Variants in TKT observed in about 807,000 individuals in gnomAD.
The protein encoded by TKT is transketolase, also known as epididymis luminal protein 107.
Under a neutral mutation model 63.9 loss-of-function variants are expected in TKT, and 47 were observed. That is an observed-to-expected ratio of 0.74 (90% CI 0.58 to 0.94). TKT has a LOEUF of 0.94. Ranked by LOEUF, TKT falls within the 40% of genes least tolerant of loss-of-function variation. The pLI is 0.00. For synonymous variants in TKT, 338 were observed against 334.1 expected, an observed-to-expected ratio of 1.01 and a Z score of -0.13; for missense variants, 721 against 846.2, an observed-to-expected ratio of 0.85 and a Z score of 1.84.
chr3:53,233,263 A>G lies in TKT; in HGVS notation c.641T>C (p.Ile214Thr). Reference protein sequence around the residue: ...KRCEAFGWHAIIVDGHSVEEL... With the variant: ...KRCEAFGWHATIVDGHSVEEL... ...CTCCACGCTGTGTCCATCCACGATG[A>G]TGGCATGCCAACTGGGGACAGGGGG... Residue 214 changes from isoleucine to threonine, a missense_variant, in exon 6 of 14, where the codon ATC (isoleucine) becomes ACC (threonine). By Grantham distance (89) the Ile-to-Thr change is moderately conservative. Coordinates refer to ENST00000462138, the MANE Select transcript of TKT (RefSeq NM_001064.4). The G allele has an allele frequency of 6.2e-7, 1 of 1,610,888 alleles. No individual in the cohort carries two copies. The highest frequency in any genetic ancestry group is 1.1e-5 in the South Asian group (1 of 90,686).
chr3:53,243,168 C>T (rs1034880559), intron 1 of TKT, among the ~76,000 whole-genome samples: 2 of 152,150 alleles, frequency 1.3e-5, no homozygotes, highest in Non-Finnish European at 1.5e-5. Context: ...AATCACTGAG[C>T]GGCTCCTGAG....
chr3:53,230,108 G>T (rs6793773), intron 8 of TKT, among the ~76,000 whole-genome samples: 26,636 of 152,056 alleles, frequency 0.18, 2,451 homozygotes, highest in South Asian at 0.29. Context: ...CTACAGACTC[G>T]GGCTGCTAAA....
Position 53,243,325 on chromosome 3 carries a change from G to GCAGCTCAGCT in TKT, c.108-1093_108-1084dup, listed in dbSNP as rs1229568593. 4.6e-5 allele frequency among the ~76,000 whole-genome samples: 7 copies of GCAGCTCAGCT among 152,124 alleles called. No homozygotes were observed. In the East Asian group the frequency reaches 1.2e-3, roughly 25 times the overall value. On this transcript the variant is annotated intron_variant, in intron 1 of 13. Coordinates refer to ENST00000462138, the MANE Select transcript of TKT (RefSeq NM_001064.4). The stretch of plus-strand genomic sequence containing the variant: ...GCCTCCCGGGAGGGCCCCTCCACAT[G>GCAGCTCAGCT]CAGCTCAGCTCAGCTCAGCTCAGCC...
In TKT at chr3:53,233,232, C is replaced by T. The variant is rs369691645; in HGVS notation, c.672G>A (p.Leu224=). 3 of 1,613,618 alleles carry T rather than the reference C, an allele frequency of 1.9e-6. No individual in the cohort carries two copies. The highest frequency in any genetic ancestry group is 1.3e-5 in the African/African-American group (1 of 74,938). Residue 224 remains leucine (L), a synonymous_variant, in exon 6 of 14, where the codon CTG becomes CTA. Transcript: ENST00000462138. ...GCTTGGCCTGGCCAAAGGCCTTGCA[C>T]AGCTCCTCCACGCTGTGTCCATCCA... The part of the protein sequence containing the change: ...IIVDGHSVEE[L]CKAFGQAKHQ...
Position 53,235,433 on chromosome 3 carries a change from G to A in TKT, c.438-259C>T, listed in dbSNP as rs1187019959. 28 of 385,784 alleles carry A rather than the reference G, an allele frequency of 7.3e-5. No individual in the cohort carries two copies. In the East Asian group the frequency reaches 1.1e-3, roughly 16 times the overall value. 23.9% of individuals were successfully genotyped at this position (385,784 alleles called of 1,614,324 possible). The stretch of plus-strand genomic sequence containing the variant: ...AAGTACTGGTTGTTAAGAAACAGAG[G>A]TCTAGGACAACAGGGATCTGGCTAA... On this transcript the variant is annotated intron_variant, in intron 4 of 13. Transcript: ENST00000462138.
intron 4 of TKT, among the ~76,000 whole-genome samples, chr3:53,238,955 C>A (rs1001213367): frequency 6.6e-6 from 1 of 152,218 alleles, no homozygotes; most frequent in African/African-American, 2.4e-5. Context: ...TGGGTCCCCA[C>A]CCAAATCTTA....
chr3:53,249,401 G>A (rs1705654888), intron 1 of TKT, among the ~76,000 whole-genome samples: 1 of 152,000 alleles, frequency 6.6e-6, no homozygotes, highest in Non-Finnish European at 1.5e-5. Flanking sequence ...GGCCAACATG[G>A]TGAAACCCCA....
At position 53,240,148 on chromosome 3, in the gene TKT, AGCC is replaced by A. The variant is rs1362407408; in HGVS notation, c.437+100_437+102del. 3 of 1,131,894 alleles carry A rather than the reference AGCC, an allele frequency of 2.7e-6. No homozygotes were observed. The Admixed American group carries it at 6.2e-5, about 23-fold the overall frequency. 70.1% of individuals were successfully genotyped at this position (1,131,894 alleles called of 1,614,324 possible). ...CCACGCATATGTATTACTCTGCCCTAGCCAGGAAAGAGGAAGAGTCTGGGGGCG... is the reference window on the plus strand; with the variant it reads ...CCACGCATATGTATTACTCTGCCCTAAGGAAAGAGGAAGAGTCTGGGGGCG... On this transcript the variant is annotated intron_variant, in intron 4 of 13. Transcript: ENST00000462138.
At chr3:53,227,771 TGGCA>T (rs1553675860) in intron 12 of TKT, 1 of 354,786 alleles carries the variant, frequency 2.8e-6, no homozygotes, top group Admixed American at 4.5e-5. Context: ...CCAGCCCAGC[TGGCA>T]GGCTCCAGGC....
chr3:53,254,488 T>C (rs1004760887), intron 1 of TKT, among the ~76,000 whole-genome samples: 7 of 152,230 alleles, frequency 4.6e-5, no homozygotes, highest in African/African-American at 1.4e-4. Flanking sequence ...TGAATGCGTA[T>C]CCACCCAGAA....
chr3:53,235,873 T>C (rs1705003771), intron 4 of TKT, among the ~76,000 whole-genome samples: 1 of 40,006 alleles, frequency 2.5e-5, no homozygotes, highest in African/African-American at 5.7e-5. Flanking sequence ...TGTGATCTTT[T>C]CAAGACAGTG....
In TKT at chr3:53,225,832, G is replaced by T; in HGVS notation, c.1796C>A (p.Ala599Asp). The T allele has an allele frequency of 1.2e-6, 2 of 1,614,098 alleles. No individual in the cohort carries two copies. Among genetic ancestry groups the T allele is most frequent in the Non-Finnish European group, 1.7e-6 (2 of 1,180,004 alleles). Residue 599 changes from alanine (A) to aspartate (D), a missense_variant, in exon 14 of 14, where the codon GCT becomes GAT. Physicochemically the swap from Ala to Asp is moderately radical, Grantham distance 126 (BLOSUM62 -2). Transcript: ENST00000462138. Reference sequence around the variant, plus strand: ...GATACCAAACATCTTCAGCAGCTCAGCCGGCTTCCCACTTCTTGGTACCCG... The same window carrying T: ...GATACCAAACATCTTCAGCAGCTCATCCGGCTTCCCACTTCTTGGTACCCG... ...VNRVPRSGKP[A>D]ELLKMFGIDR...
Position 53,255,508 on chromosome 3 carries a change from G to A in TKT, c.107+328C>T, listed in dbSNP as rs550232334. ...GTGGCCTTCCCGGCATCACCCTAGAGGGTACTTGGCGAGTCGCGAGCCCAT... is the reference window on the plus strand; with the variant it reads ...GTGGCCTTCCCGGCATCACCCTAGAAGGTACTTGGCGAGTCGCGAGCCCAT... On this transcript the variant is annotated intron_variant, in intron 1 of 13. Coordinates refer to ENST00000462138, the MANE Select transcript of TKT (RefSeq NM_001064.4). Among the ~76,000 whole-genome samples, 15 of 152,320 alleles carry A rather than the reference G, an allele frequency of 9.8e-5. No individual in the cohort carries two copies. In the South Asian group the frequency reaches 1.0e-3, roughly 11 times the overall value.
chr3:53,249,594 TA>T (rs1292414788), intron 1 of TKT, among the ~76,000 whole-genome samples: 4 of 151,924 alleles, frequency 2.6e-5, no homozygotes, highest in African/African-American at 9.7e-5. Context: ...AACAAACAAA[TA>T]AATGAAGAAA....
intron 6 of TKT, 152 bp from the exon 7 acceptor site, chr3:53,231,702 G>C (rs976861350): frequency 2.4e-5 from 18 of 743,118 alleles, no homozygotes; most frequent in Non-Finnish European, 3.9e-5. Flanking sequence ...AGGCACGGGG[G>C]CCAGGAAAGG....
intron 9 of TKT, 47 bp from the exon 10 acceptor site, chr3:53,229,184 C>T (rs3736155): frequency 3.1e-6 from 5 of 1,613,246 alleles, no homozygotes; most frequent in Non-Finnish European, 4.2e-6. Context: ...CCCTACCCCC[C>T]CATCCATGGG....
At position 53,228,037 on chromosome 3, in the gene TKT, G is replaced by A; in HGVS notation, c.1573+19C>T. Reference sequence around the variant, plus strand: ...CAGTGGCCGCTCAGTTGATGACTTTGGAGGCCCCTTCTCCTCACCTTTCTT... The same window carrying A: ...CAGTGGCCGCTCAGTTGATGACTTTAGAGGCCCCTTCTCCTCACCTTTCTT... On this transcript the variant is annotated intron_variant, in intron 12 of 13. Transcript: ENST00000462138. The A allele has an allele frequency of 6.2e-7, 1 of 1,609,518 alleles. No homozygotes were observed. The highest frequency in any genetic ancestry group is 8.5e-7 in the Non-Finnish European group (1 of 1,177,584).
At position 53,240,364 on chromosome 3, in the gene TKT, G is replaced by T. The variant is rs782556455; in HGVS notation, c.340-16C>A. On this transcript the variant is annotated splice_polypyrimidine_tract_variant and intron_variant, in intron 3 of 13. Coordinates refer to ENST00000462138, the MANE Select transcript of TKT (RefSeq NM_001064.4). ...AAGCTTGTTTCTGTCATAACAGAAG[G>T]CCACCGTTAATCTGAGAGGAGAAGG... is the stretch of plus-strand genomic sequence containing the variant. The T allele has an allele frequency of 6.2e-7, 1 of 1,606,934 alleles. No individual in the cohort carries two copies. The highest frequency in any genetic ancestry group is 8.5e-7 in the Non-Finnish European group (1 of 1,174,798).
intron 13 of TKT, chr3:53,226,363 T>TAC (rs1461735601): frequency 6.7e-5 from 17 of 254,590 alleles, no homozygotes; most frequent in South Asian, 1.1e-4. Flanking sequence ...TGGGGCCTCC[T>TAC]ACTTAGAGAG....
Sources: allele counts gnomAD v4.1 joint callset (sites outside exome capture counted in the v4.1 genomes callset), GRCh38; gene constraint gnomAD v4.1.1; transcripts MANE v1.5; gene names NCBI Gene and HGNC (gene_info 2026-07-23, HGNC 2026-07-21).